Variants in BHMT2 observed in about 807,000 individuals in gnomAD.
BHMT2 encodes betaine--homocysteine S-methyltransferase 2.
Under a neutral mutation model 39.0 loss-of-function variants are expected in BHMT2, and 28 were observed. The observed-to-expected ratio is 0.72, with a 90% confidence interval of 0.53 to 0.98. The LOEUF (loss-of-function observed/expected upper bound fraction) is 0.98. Ranked by LOEUF, BHMT2 falls within the 50% of genes least tolerant of loss-of-function variation. BHMT2 has a pLI of 0.00. For synonymous variants in BHMT2, 145 were observed against 160.6 expected, an observed-to-expected ratio of 0.90 and a Z score of 0.74; for missense variants, 410 against 455.6, an observed-to-expected ratio of 0.90 and a Z score of 0.91.
Position 79,082,969 on chromosome 5 carries a change from C to A in BHMT2, c.598+13C>A. The A allele has an allele frequency of 6.2e-7, 1 of 1,613,998 alleles. No individual in the cohort carries two copies. The highest frequency in any genetic ancestry group is 8.5e-7 in the Non-Finnish European group (1 of 1,179,946). ...CTGGTGAAGGCAGGTAATTTGGACC[C>A]ATACCGTGATACACAGCTCAGTTGT... On this transcript the variant is annotated intron_variant, in intron 5 of 7. Coordinates refer to ENST00000255192, the MANE Select transcript of BHMT2 (RefSeq NM_017614.5).
intron 5 of BHMT2, 46 bp from the exon 6 acceptor site, chr5:79,083,146 A>G: frequency 6.3e-7 from 1 of 1,589,284 alleles, no homozygotes. Context: ...AAAAAAAAAG[A>G]ATAAACAAAT....
At chr5:79,074,325 T>C (rs1755632821) in intron 1 of BHMT2, among the ~76,000 whole-genome samples, 1 of 152,232 alleles carries the variant, frequency 6.6e-6, no homozygotes, top group South Asian at 2.1e-4. Context: ...TAAGAGATTA[T>C]TCAAGCCATA....
intron 1 of BHMT2, among the ~76,000 whole-genome samples, chr5:79,073,084 C>T (rs1423934658): frequency 6.6e-6 from 1 of 151,694 alleles, no homozygotes; most frequent in Non-Finnish European, 1.5e-5. Context: ...CTGCCTCCAC[C>T]TCACAAGTAG....
intron 7 of BHMT2, among the ~76,000 whole-genome samples, chr5:79,084,526 C>T (rs898735814): frequency 4.6e-5 from 7 of 152,142 alleles, no homozygotes; most frequent in African/African-American, 1.4e-4. Context: ...CCTGCCTTGG[C>T]CTCCCAAAGT....
intron 2 of BHMT2, among the ~76,000 whole-genome samples, chr5:79,078,662 G>A (rs1242512739): frequency 2.6e-5 from 4 of 152,228 alleles, no homozygotes; most frequent in African/African-American, 9.6e-5. Context: ...TCATCAGTAC[G>A]ATGGCCGTTA....
rs1332647731 is a variant in BHMT2 at position 79,083,657 on chromosome 5, G to A, written c.811G>A (p.Asp271Asn). The change falls in exon 7 of 8, where the codon GAT (aspartate) becomes AAT (asparagine). Residue 271 changes from aspartate (D) to asparagine (N), a missense_variant. Coordinates refer to ENST00000255192, the MANE Select transcript of BHMT2 (RefSeq NM_017614.5). ...GGAGTCCAGAGTTGCCACCAGATGG[G>A]ATATTCAAAAATACGCCAGAGAGGC... ...GLESRVATRW[D>N]IQKYAREAYN... The A allele has an allele frequency of 1.9e-6, 3 of 1,614,008 alleles. No individual in the cohort carries two copies. Among genetic ancestry groups the A allele is most frequent in the African/African-American group, 1.3e-5 (1 of 75,020 alleles).
chr5:79,088,403 T>C, intron 7 of BHMT2, 90 bp from the exon 8 acceptor site: 1 of 778,826 alleles, frequency 1.3e-6, no homozygotes, highest in East Asian at 3.0e-5. Context: ...TGTGTGGTTA[T>C]ATACATATAC....
Position 79,078,284 on chromosome 5 carries a change from A to G in BHMT2, c.166+672A>G, listed in dbSNP as rs1338730085. 4.7e-5 allele frequency: 7 copies of G among 150,398 alleles called. No individual in the cohort carries two copies. In the South Asian group the frequency reaches 1.5e-3, roughly 32 times the overall value. The allele number at this position is 150,398 out of a possible 1,614,324, so 9.3% of individuals were successfully genotyped here. A position where few individuals can be genotyped will look rare whatever the true frequency, so the allele number is the denominator to read the frequency against. On this transcript the variant is annotated intron_variant, in intron 2 of 7. Coordinates refer to ENST00000255192, the MANE Select transcript of BHMT2 (RefSeq NM_017614.5). Reference sequence around the variant, plus strand: ...TGGCTGGGAAAAAAAAAAAAAAAAAAGAGCTAGAGGTAAAGAACTATGATG... The same window carrying G: ...TGGCTGGGAAAAAAAAAAAAAAAAAGGAGCTAGAGGTAAAGAACTATGATG...
In BHMT2 at chr5:79,080,703, C is replaced by A; in HGVS notation, c.275C>A (p.Ala92Asp). The A allele has an allele frequency of 6.3e-7, 1 of 1,593,900 alleles. No individual in the cohort carries two copies. The highest frequency in any genetic ancestry group is 8.5e-7 in the Non-Finnish European group (1 of 1,174,300). ...NMESKWEDVN[A>D]AACDLAREVA... ...TAACCTCAGTGGGAAGATGTAAATG[C>A]TGCTGCCTGTGACCTCGCCAGGGAA... is the stretch of plus-strand genomic sequence containing the variant. Residue 92 changes from alanine to aspartate, a missense_variant, in exon 4 of 8, where the codon GCT (alanine) becomes GAT (aspartate). Ala to Asp is a moderately radical substitution (Grantham distance 126). Coordinates refer to ENST00000255192, the MANE Select transcript of BHMT2 (RefSeq NM_017614.5).
intron 2 of BHMT2, 114 bp from the exon 3 acceptor site, chr5:79,079,255 G>C: frequency 1.4e-6 from 1 of 705,644 alleles, no homozygotes; most frequent in Admixed American, 2.5e-5. Context: ...TTTGAACTGA[G>C]GTATGATTGA....
intron 2 of BHMT2, among the ~76,000 whole-genome samples, chr5:79,078,905 T>A (rs2112698275): frequency 6.6e-6 from 1 of 152,344 alleles, no homozygotes; most frequent in East Asian, 1.9e-4. Context: ...CAGGAAAAGC[T>A]TCCAGACTGC....
At chr5:79,077,156 G>T (rs1295243054) in intron 1 of BHMT2, among the ~76,000 whole-genome samples, 1 of 152,194 alleles carries the variant, frequency 6.6e-6, no homozygotes, top group African/African-American at 2.4e-5. Flanking sequence ...GGGAGAGAAT[G>T]CACACTAGGT....
intron 1 of BHMT2, among the ~76,000 whole-genome samples, chr5:79,070,813 A>G (rs1241895340): frequency 6.6e-6 from 1 of 152,234 alleles, no homozygotes; most frequent in Non-Finnish European, 1.5e-5. Flanking sequence ...AAGGAAATAT[A>G]TCACAAACTG....
At chr5:79,083,417 C>A (rs1346032403) in intron 6 of BHMT2, 43 bp downstream of exon 6, 1 of 1,539,100 alleles carries the variant, frequency 6.5e-7, no homozygotes, top group South Asian at 1.3e-5. Context: ...TTTCTCGTGA[C>A]AAAATCCAAA....
chr5:79,080,556 G>A, intron 3 of BHMT2, 131 bp from the exon 4 acceptor site: 1 of 716,636 alleles, frequency 1.4e-6, no homozygotes, highest in Non-Finnish European at 2.2e-6. Flanking sequence ...CAACTCTGCT[G>A]GTCTTTTCTG....
At chr5:79,083,107 G>T in intron 5 of BHMT2, 85 bp from the exon 6 acceptor site, 2 of 1,582,136 alleles carry the variant, frequency 1.3e-6, no homozygotes, top group Admixed American at 1.7e-5. Context: ...GAGGGGAATG[G>T]CTAACCTCTA....
chr5:79,074,086 A>G (rs1326002397), intron 1 of BHMT2, among the ~76,000 whole-genome samples: 1 of 152,176 alleles, frequency 6.6e-6, no homozygotes, highest in Non-Finnish European at 1.5e-5. Context: ...CAACAGTTCA[A>G]TAGTGGCTTC....
At chr5:79,073,110 C>T (rs1049264078) in intron 1 of BHMT2, among the ~76,000 whole-genome samples, 10 of 151,960 alleles carry the variant, frequency 6.6e-5, no homozygotes, top group African/African-American at 2.4e-4. Flanking sequence ...ATTACAGGCA[C>T]CTGCCACCAT....
Position 79,088,900 on chromosome 5 carries a change from A to G in BHMT2, c.*326A>G, listed in dbSNP as rs1755961023. ...TAGCCAAACTTGTCTTTGAGGGTGA[A>G]TTTGACACTTTAAAATAATCAGAAG... On this transcript the variant is annotated 3_prime_UTR_variant, in exon 8 of 8. Transcript: ENST00000255192. 5.0e-6 allele frequency: 1 copy of G among 198,074 alleles called. No individual in the cohort carries two copies. Among genetic ancestry groups the G allele is most frequent in the African/African-American group, 2.3e-5 (1 of 43,012 alleles). The allele number at this position is 198,074 out of a possible 1,614,324, so 12.3% of individuals were successfully genotyped here.
Sources: allele counts gnomAD v4.1 joint callset (sites outside exome capture counted in the v4.1 genomes callset), GRCh38; gene constraint gnomAD v4.1.1; transcripts MANE v1.5; gene names NCBI Gene and HGNC (gene_info 2026-07-23, HGNC 2026-07-21).